Variants in EDIL3 observed in about 807,000 individuals in gnomAD.
The protein encoded by EDIL3 is EGF like and discoidin domains 3.
Under a neutral mutation model 67.4 loss-of-function variants are expected in EDIL3, and 37 were observed. The observed-to-expected ratio is 0.55, with a 90% CI of 0.42 to 0.72. The LOEUF (loss-of-function observed/expected upper bound fraction) is 0.72. EDIL3 is among the 30% of genes least tolerant of loss of function. The pLI is 0.00. For synonymous variants in EDIL3, 195 were observed against 196.3 expected, an observed-to-expected ratio of 0.99 and a Z score of 0.05; for missense variants, 527 against 586.3, an observed-to-expected ratio of 0.90 and a Z score of 1.04.
chr5:84,081,796 A>C (rs530692243), intron 6 of EDIL3, among the ~76,000 whole-genome samples: 1 of 152,354 alleles, frequency 6.6e-6, no homozygotes, highest in East Asian at 1.9e-4. Flanking sequence ...AAACATTTTA[A>C]GGAGTTTATT....
intron 1 of EDIL3, among the ~76,000 whole-genome samples, chr5:84,281,855 C>CTTTTTT (rs10708663): frequency 2.9e-4 from 21 of 72,578 alleles, no homozygotes; most frequent in East Asian, 4.7e-4. Context: ...TTTTATTTCA[C>CTTTTTT]TTTTTTTTTT....
Position 83,961,518 on chromosome 5 carries a change from G to C in EDIL3, c.1293+1687C>G, listed in dbSNP as rs182694728. ...AAAAAAGTATCTCAACAGTTTAACG[G>C]TTTAACCATAATTTTCTTTATGCTT... On this transcript the variant is annotated intron_variant, in intron 10 of 10. Coordinates refer to ENST00000296591, the MANE Select transcript of EDIL3 (RefSeq NM_005711.5). Among the ~76,000 whole-genome samples the C allele has an allele frequency of 4.6e-3, 699 of 151,198 alleles. 3 individuals carry two copies. The highest frequency in any genetic ancestry group is 8.0e-3 in the Non-Finnish European group (539 of 67,376).
intron 9 of EDIL3, among the ~76,000 whole-genome samples, chr5:84,052,696 G>C (rs374664356): frequency 1.3e-5 from 2 of 152,018 alleles, no homozygotes; most frequent in Middle Eastern, 3.2e-3. Flanking sequence ...CCAACAAAGA[G>C]CAAAAGAGAC....
At chr5:84,323,379 C>T (rs961994217) in intron 1 of EDIL3, among the ~76,000 whole-genome samples, 4 of 151,872 alleles carry the variant, frequency 2.6e-5, no homozygotes, top group Non-Finnish European at 4.4e-5. Flanking sequence ...CATTAAAATG[C>T]TGTCCCCATA....
At chr5:84,138,804 G>T (rs1748137592) in intron 4 of EDIL3, among the ~76,000 whole-genome samples, 1 of 151,992 alleles carries the variant, frequency 6.6e-6, no homozygotes, top group African/African-American at 2.4e-5. Context: ...GTTTCTGGTT[G>T]ACAATCATAG....
At chr5:84,309,847 G>T (rs1277618917) in intron 1 of EDIL3, among the ~76,000 whole-genome samples, 1 of 152,120 alleles carries the variant, frequency 6.6e-6, no homozygotes, top group Admixed American at 6.5e-5. Context: ...AGTCCTTTGG[G>T]TATATACCCA....
chr5:84,093,100 G>A (rs1047915838), intron 6 of EDIL3, among the ~76,000 whole-genome samples: 9 of 152,026 alleles, frequency 5.9e-5, no homozygotes, highest in Non-Finnish European at 1.2e-4. Flanking sequence ...TATAACAGCC[G>A]AACATAGTAA....
intron 1 of EDIL3, among the ~76,000 whole-genome samples, chr5:84,369,159 G>A (rs1747795615): frequency 6.6e-6 from 1 of 151,386 alleles, no homozygotes; most frequent in African/African-American, 2.4e-5. Flanking sequence ...GGATACTTGT[G>A]AAGCCATGTT....
intron 6 of EDIL3, among the ~76,000 whole-genome samples, chr5:84,086,207 G>T (rs114670702): frequency 0.066 from 10,096 of 152,156 alleles, 467 homozygotes; most frequent in Middle Eastern, 0.13. Context: ...CACCGCTAGG[G>T]TACAAAAAAG....
At chr5:84,016,713 C>G in intron 9 of EDIL3, among the ~76,000 whole-genome samples, 1 of 152,082 alleles carries the variant, frequency 6.6e-6, no homozygotes, top group East Asian at 1.9e-4. Flanking sequence ...CTGGTTACTC[C>G]TGGGCCTCAT....
chr5:84,267,992 C>G (rs773479644), intron 1 of EDIL3, among the ~76,000 whole-genome samples: 2 of 152,076 alleles, frequency 1.3e-5, no homozygotes, highest in Non-Finnish European at 1.5e-5. Context: ...AAAAAGTTAG[C>G]TGGGCATGGC....
chr5:84,343,357 T>C (rs1186879077), intron 1 of EDIL3, among the ~76,000 whole-genome samples: 2 of 152,098 alleles, frequency 1.3e-5, no homozygotes, highest in Non-Finnish European at 2.9e-5. Context: ...TTCTTGGCTA[T>C]GTCCCCAAAC....
intron 8 of EDIL3, among the ~76,000 whole-genome samples, chr5:84,060,984 C>T (rs947972747): frequency 2.0e-5 from 3 of 152,114 alleles, no homozygotes; most frequent in African/African-American, 7.2e-5. Context: ...AACCGGACAG[C>T]ATTTTGTTTT....
At chr5:84,105,354 T>G (rs902859496) in intron 6 of EDIL3, among the ~76,000 whole-genome samples, 2 of 152,020 alleles carry the variant, frequency 1.3e-5, no homozygotes, top group African/African-American at 4.8e-5. Context: ...TAGAGCTCTA[T>G]AGATAAAAGA....
chr5:84,035,756 T>A (rs1746012046), intron 9 of EDIL3, among the ~76,000 whole-genome samples: 1 of 152,202 alleles, frequency 6.6e-6, no homozygotes, highest in Non-Finnish European at 1.5e-5. Flanking sequence ...TAGACACAAC[T>A]AAGTCCTGAT....
intron 6 of EDIL3, among the ~76,000 whole-genome samples, chr5:84,083,790 T>C (rs995585206): frequency 1.6e-4 from 24 of 152,318 alleles, no homozygotes; most frequent in Middle Eastern, 6.8e-3. Context: ...TTTACAAATA[T>C]AGAAGAAAGA....
Position 83,975,953 on chromosome 5 carries a change from T to A in EDIL3, c.1138-12593A>T, listed in dbSNP as rs78703624. On this transcript the variant is annotated intron_variant, in intron 9 of 10. Transcript: ENST00000296591. Reference sequence around the variant, plus strand: ...TTATTTTGACATGCCTTTCCAATTATGAATAAATCTGTTACATTTCAAGAA... The same window carrying A: ...TTATTTTGACATGCCTTTCCAATTAAGAATAAATCTGTTACATTTCAAGAA... Among the ~76,000 whole-genome samples, 325 of 152,056 alleles carry A rather than the reference T, an allele frequency of 2.1e-3. 6 individuals carry two copies. In the East Asian group the frequency reaches 0.044, roughly 21 times the overall value.
At chr5:84,293,807 A>T (rs1488636457) in intron 1 of EDIL3, among the ~76,000 whole-genome samples, 3 of 151,156 alleles carry the variant, frequency 2.0e-5, no homozygotes, top group African/African-American at 7.3e-5. Flanking sequence ...AAATGATGTT[A>T]TATGAGTTTT....
intron 1 of EDIL3, among the ~76,000 whole-genome samples, chr5:84,331,743 T>A (rs375283776): frequency 1.5e-4 from 23 of 152,310 alleles, no homozygotes; most frequent in Admixed American, 5.2e-4. Flanking sequence ...TGTTTCTCTG[T>A]ATACTATTTT....
Sources: allele counts gnomAD v4.1 joint callset (sites outside exome capture counted in the v4.1 genomes callset), GRCh38; gene constraint gnomAD v4.1.1; transcripts MANE v1.5; gene names NCBI Gene and HGNC (gene_info 2026-07-23, HGNC 2026-07-21).